The following PCDHGA4 variants were observed in gnomAD, a reference collection of about 807,000 sequenced individuals.
PCDHGA4 encodes the protein protocadherin gamma subfamily A, 4.
PCDHGA4 carries 38 observed loss-of-function variants against 54.6 expected under a neutral mutation model. The observed-to-expected ratio is 0.70, with a 90% confidence interval of 0.54 to 0.91. PCDHGA4 has a LOEUF of 0.91. PCDHGA4 is among the 40% of genes least tolerant of loss of function. The pLI is 0.00. For missense variants in PCDHGA4, 1,298 were observed against 1,220.9 expected (o/e 1.06, Z -0.94); for synonymous variants, 511 against 512.9 (o/e 1.00, Z 0.05).
In PCDHGA4 at chr5:141,356,944, G is replaced by T. The variant is rs368136545; in HGVS notation, c.1837G>T (p.Ala613Ser). ...STGVELAPRS[A>S]DSGYLVTKVV... The stretch of plus-strand genomic sequence containing the variant: ...TGGTGTGGAGCTGGCACCCCGCTCC[G>T]CAGATTCCGGCTACCTGGTGACCAA... Residue 613 changes from alanine to serine, a missense_variant, in exon 1 of 4, where the codon GCA becomes TCA. By Grantham distance (99) the Ala-to-Ser change is moderately conservative. Coordinates refer to ENST00000571252, the MANE Select transcript of PCDHGA4 (RefSeq NM_018917.4). The T allele has an allele frequency of 1.1e-5, 17 of 1,614,090 alleles. No individual in the cohort carries two copies. In the African/African-American group the frequency reaches 2.3e-4, roughly 22 times the overall value.
intron 1 of PCDHGA4, chr5:141,364,531 C>T (rs1763385231): frequency 1.2e-6 from 2 of 1,613,976 alleles, no homozygotes; most frequent in African/African-American, 2.7e-5. Flanking sequence ...TCCGCATCGT[C>T]TCCAGAGGTA....
rs527250082 is a variant in PCDHGA4 at position 141,371,292 on chromosome 5, G to A, written c.2514+13671G>A. 2.0e-5 allele frequency: 33 copies of A among 1,613,858 alleles called. No individual in the cohort carries two copies. The highest frequency in any genetic ancestry group is 1.6e-4 in the Middle Eastern group (1 of 6,084). On this transcript the variant is annotated intron_variant, in intron 1 of 3. Transcript: ENST00000571252. ...GTTCAAGCTGGACAGTAAAACGGGG[G>A]AACTCACCACTATTGGAGAACTGGA...
chr5:141,473,308 A>G (rs1248143328), intron 1 of PCDHGA4, among the ~76,000 whole-genome samples: 1 of 152,234 alleles, frequency 6.6e-6, no homozygotes, highest in Non-Finnish European at 1.5e-5. Context: ...AGATTGCTAT[A>G]TTAATAAGCA....
At chr5:141,465,742 A>G (rs1425097489) in intron 1 of PCDHGA4, among the ~76,000 whole-genome samples, 1 of 151,214 alleles carries the variant, frequency 6.6e-6, no homozygotes, top group Non-Finnish European at 1.5e-5. Flanking sequence ...TGTTTTCAGG[A>G]TCAGACTGGT....
At chr5:141,361,030 G>A in intron 1 of PCDHGA4, 1 of 1,613,328 alleles carries the variant, frequency 6.2e-7, no homozygotes, top group Non-Finnish European at 8.5e-7. Context: ...TGAAAAAACA[G>A]GAGAAATCAC....
chr5:141,413,803 G>A (rs1331029473), intron 1 of PCDHGA4: 3 of 1,613,142 alleles, frequency 1.9e-6, no homozygotes, highest in Non-Finnish European at 1.7e-6. Flanking sequence ...CGAGGAAGAG[G>A]CCATTCACCA....
chr5:141,411,743 G>A (rs2095510866), intron 1 of PCDHGA4: 2 of 152,860 alleles, frequency 1.3e-5, no homozygotes, highest in Non-Finnish European at 2.9e-5. Flanking sequence ...TTAGCAGGGT[G>A]TGGTGGCACA....
chr5:141,409,850 G>A lies in PCDHGA4; in HGVS notation c.2514+52229G>A. ...GCTCAGCGCCAACGTGAGCCTGCGC[G>A]TGTTGGTGGGAGACCGCAATGACAA... On this transcript the variant is annotated intron_variant, in intron 1 of 3. Transcript: ENST00000571252. 6.2e-7 allele frequency: 1 copy of A among 1,612,142 alleles called. No individual in the cohort carries two copies. Among genetic ancestry groups the A allele is most frequent in the African/African-American group, 1.3e-5 (1 of 75,014 alleles).
intron 1 of PCDHGA4, among the ~76,000 whole-genome samples, chr5:141,473,873 C>CA (rs1471085914): frequency 2.6e-5 from 4 of 152,130 alleles, no homozygotes; most frequent in African/African-American, 7.2e-5. Flanking sequence ...GTGGAGAATG[C>CA]ATACACAAGG....
In PCDHGA4 at chr5:141,431,913, T is replaced by C; in HGVS notation, c.2515-62894T>C. The C allele has an allele frequency of 6.2e-7, 1 of 1,614,140 alleles. No individual in the cohort carries two copies. Among genetic ancestry groups the C allele is most frequent in the Admixed American group, 1.7e-5 (1 of 60,034 alleles). On this transcript the variant is annotated intron_variant, in intron 1 of 3. Transcript: ENST00000571252. This position sits in a 1 kb window ranked among gnomAD's most constrained non-coding sequence, Gnocchi z 4.8. The stretch of plus-strand genomic sequence containing the variant: ...GAGGAAAACGGACAGGTGATCTGTT[T>C]CATCCAAGGAAATCTGCCCTTTAAA...
intron 1 of PCDHGA4, among the ~76,000 whole-genome samples, chr5:141,401,205 G>C (rs1479820661): frequency 6.6e-6 from 1 of 152,118 alleles, no homozygotes; most frequent in African/African-American, 2.4e-5. Context: ...AGCTGGGTGT[G>C]GTGGCGGGCG....
intron 1 of PCDHGA4, chr5:141,478,693 G>A: frequency 6.4e-7 from 1 of 1,550,764 alleles, no homozygotes; most frequent in Non-Finnish European, 8.7e-7. Context: ...CTAGATCAAA[G>A]TTAGTGCCTT....
chr5:141,413,051 C>T (rs1316813444), intron 1 of PCDHGA4: 1 of 952,822 alleles, frequency 1.0e-6, no homozygotes, highest in African/African-American at 1.7e-5. Context: ...TGCAGGGAAG[C>T]TCACTCCAGA....
rs774079222 is a variant in PCDHGA4 at position 141,491,314 on chromosome 5, C to T, written c.2515-3493C>T. On this transcript the variant is annotated intron_variant, in intron 1 of 3. Coordinates refer to ENST00000571252, the MANE Select transcript of PCDHGA4 (RefSeq NM_018917.4). This position sits in a 1 kb window ranked among gnomAD's most constrained non-coding sequence, Gnocchi z 6.9. ...CCCTCCTGAGCGTTCAGACCTTACC[C>T]TTTACCTCATTGTGGCTCTAGCGAC... The T allele has an allele frequency of 1.9e-6, 3 of 1,614,182 alleles. No individual in the cohort carries two copies. In the South Asian group the frequency reaches 3.3e-5, roughly 18 times the overall value.
intron 1 of PCDHGA4, chr5:141,415,000 T>G: frequency 6.2e-7 from 1 of 1,613,660 alleles, no homozygotes; most frequent in Non-Finnish European, 8.5e-7. Context: ...CGCCTGGCTG[T>G]CCTACCGTCT....
intron 1 of PCDHGA4, among the ~76,000 whole-genome samples, chr5:141,380,518 T>A (rs1166161347): frequency 2.6e-5 from 4 of 152,254 alleles, no homozygotes; most frequent in Non-Finnish European, 5.9e-5. Context: ...CTTTAAACTA[T>A]GAAATGATTT....
At chr5:141,412,936 A>T in intron 1 of PCDHGA4, 1 of 459,508 alleles carries the variant, frequency 2.2e-6, no homozygotes, top group African/African-American at 2.0e-5. Flanking sequence ...ACTTCTTAGG[A>T]CTCTGAGCGC....
At chr5:141,502,356 G>C (rs1443285213) in intron 2 of PCDHGA4, among the ~76,000 whole-genome samples, 4 of 151,838 alleles carry the variant, frequency 2.6e-5, no homozygotes. Flanking sequence ...TAATGACATG[G>C]ATATTTTTAA....
At chr5:141,384,179 G>A (rs1252177053) in intron 1 of PCDHGA4, 1 of 1,613,830 alleles carries the variant, frequency 6.2e-7, no homozygotes, top group Middle Eastern at 1.6e-4. Flanking sequence ...GCCACAGATG[G>A]TGGAACTCCT....
Sources: gnomAD v4.1 joint callset for allele counts (sites outside exome capture counted in the v4.1 genomes callset) on GRCh38, gnomAD v4.1.1 for gene constraint, Gnocchi (gnomAD v3.1) non-coding constraint, MANE v1.5 for transcripts, NCBI Gene and HGNC (gene_info 2026-07-23, HGNC 2026-07-21) for gene names.